Variants in KAZN observed in about 807,000 individuals in gnomAD.
The protein encoded by KAZN is kazrin.
In KAZN, 40 loss-of-function variants were observed where a neutral mutation model predicts 87.4. That is an observed-to-expected ratio of 0.46 (90% CI 0.36 to 0.60). The LOEUF (loss-of-function observed/expected upper bound fraction) is 0.60, where lower values mean the gene tolerates loss of function less well. Among genes scored for constraint, KAZN ranks in the 20% least tolerant of loss-of-function variants. The pLI is 0.00. For synonymous variants in KAZN, 466 were observed against 458.3 expected, an observed-to-expected ratio of 1.02 and a Z score of -0.22; for missense variants, 898 against 1,073.9, an observed-to-expected ratio of 0.84 and a Z score of 2.29.
At chr1:14,433,362 C>T (rs973712607) in intron 2 of KAZN, among the ~76,000 whole-genome samples, 13 of 152,210 alleles carry the variant, frequency 8.5e-5, no homozygotes, top group African/African-American at 2.2e-4. Flanking sequence ...TCTTCGGTGC[C>T]CAGTTTCTTT....
chr1:13,933,415 C>G (rs1265294861), intron 1 of KAZN, among the ~76,000 whole-genome samples: 1 of 152,094 alleles, frequency 6.6e-6, no homozygotes, highest in Middle Eastern at 3.2e-3. Flanking sequence ...TTGCTTGAAC[C>G]CGGGAGACGG....
chr1:14,019,157 G>A (rs965849603), intron 1 of KAZN, among the ~76,000 whole-genome samples: 6 of 152,168 alleles, frequency 3.9e-5, no homozygotes, highest in East Asian at 1.9e-4. Flanking sequence ...GATTAGAAAC[G>A]ACTTGTTTTG....
chr1:14,375,893 C>CA (rs60145610), intron 2 of KAZN, among the ~76,000 whole-genome samples: 82 of 19,080 alleles, frequency 4.3e-3, no homozygotes, highest in African/African-American at 8.9e-3. Flanking sequence ...ATCTCAAAAA[C>CA]AAAAAAAAAA....
intron 2 of KAZN, among the ~76,000 whole-genome samples, chr1:14,977,284 G>C (rs1004082296): frequency 1.3e-5 from 2 of 152,226 alleles, no homozygotes; most frequent in Non-Finnish European, 2.9e-5. Flanking sequence ...TGGGAAAAGA[G>C]GGACGTAGTA....
intron 2 of KAZN, among the ~76,000 whole-genome samples, chr1:14,411,407 G>A (rs1023678722): frequency 6.6e-6 from 1 of 152,170 alleles, no homozygotes; most frequent in Non-Finnish European, 1.5e-5. Context: ...CAGTTCCCCT[G>A]CCTCAACCTC....
chr1:14,361,694 G>C (rs888608889), intron 2 of KAZN, among the ~76,000 whole-genome samples: 1 of 152,368 alleles, frequency 6.6e-6, no homozygotes, highest in African/African-American at 2.4e-5. Context: ...CTTGGCTTCT[G>C]TTCATCCTCT....
At chr1:13,976,397 G>T (rs1638360015) in intron 1 of KAZN, among the ~76,000 whole-genome samples, 1 of 151,994 alleles carries the variant, frequency 6.6e-6, no homozygotes, top group Admixed American at 6.6e-5. Flanking sequence ...TCCTTGTCAA[G>T]AAAAATTACT....
intron 2 of KAZN, among the ~76,000 whole-genome samples, chr1:14,257,682 T>C (rs550336976): frequency 6.7e-6 from 1 of 149,720 alleles, no homozygotes; most frequent in African/African-American, 2.5e-5. Flanking sequence ...TTCAGCTTTC[T>C]ACATATGGCT....
intron 1 of KAZN, among the ~76,000 whole-genome samples, chr1:14,151,502 T>C (rs1357918548): frequency 6.6e-6 from 1 of 152,186 alleles, no homozygotes; most frequent in Non-Finnish European, 1.5e-5. Context: ...TGTAATTAAG[T>C]TAAGGAATTG....
At chr1:14,480,680 TATA>T (rs1669029677) in intron 2 of KAZN, among the ~76,000 whole-genome samples, 1 of 145,518 alleles carries the variant, frequency 6.9e-6, no homozygotes, top group South Asian at 2.1e-4. Context: ...ATAAACTATA[TATA>T]ATATATAAAA....
chr1:13,987,367 T>C (rs1393255192), intron 1 of KAZN, among the ~76,000 whole-genome samples: 3 of 152,148 alleles, frequency 2.0e-5, no homozygotes, highest in African/African-American at 7.2e-5. Flanking sequence ...TTCCCCTCCC[T>C]GTGTCCATGT....
chr1:15,103,269 G>A (rs947058989), intron 11 of KAZN, 90 bp from the exon 12 acceptor site: 81 of 903,116 alleles, frequency 9.0e-5, no homozygotes, highest in Non-Finnish European at 1.4e-4. Flanking sequence ...TCTGTCTCGG[G>A]GGGAAAAAGA....
At chr1:14,168,865 T>G (rs1318228912) in intron 1 of KAZN, among the ~76,000 whole-genome samples, 1 of 152,156 alleles carries the variant, frequency 6.6e-6, no homozygotes, top group Non-Finnish European at 1.5e-5. Context: ...AATGCAATGA[T>G]GCATGCAAGC....
rs377566671 is a variant in KAZN at position 14,164,005 on chromosome 1, C to T, written c.92-16430C>T. Among the ~76,000 whole-genome samples, 194 of 152,312 alleles carry T rather than the reference C, an allele frequency of 1.3e-3. 1 individual carries two copies. The highest frequency in any genetic ancestry group is 6.8e-3 in the Middle Eastern group (2 of 294). On this transcript the variant is annotated intron_variant, in intron 1 of 16. Transcript: ENST00000636203. ...GGATTTTGCTGATACTCTTCTCTGA[C>T]GTCCTCCAGCTTCTGCCCACTGCTC...
At chr1:14,562,143 T>C (rs188651371) in intron 2 of KAZN, among the ~76,000 whole-genome samples, 36 of 152,310 alleles carry the variant, frequency 2.4e-4, no homozygotes, top group Middle Eastern at 3.4e-3. Flanking sequence ...ACTGCCATTC[T>C]GTTTGGCAAA....
chr1:13,972,965 A>G (rs990587735), intron 1 of KAZN, among the ~76,000 whole-genome samples: 9 of 152,196 alleles, frequency 5.9e-5, no homozygotes, highest in Admixed American at 5.2e-4. Flanking sequence ...TTTATTGTCT[A>G]TCACATGCCA....
At chr1:14,857,203 G>C (rs939958561) in intron 1 of KAZN, among the ~76,000 whole-genome samples, 1 of 152,124 alleles carries the variant, frequency 6.6e-6, no homozygotes, top group African/African-American at 2.4e-5. Flanking sequence ...AGGGTATGAG[G>C]AGGCTACAAC....
At chr1:14,481,342 G>A (rs1179234458) in intron 2 of KAZN, among the ~76,000 whole-genome samples, 1 of 152,074 alleles carries the variant, frequency 6.6e-6, no homozygotes, top group Non-Finnish European at 1.5e-5. Context: ...TAAGCCCTCA[G>A]TAAGGTTAGC....
intron 1 of KAZN, among the ~76,000 whole-genome samples, chr1:13,928,914 G>T (rs951511095): frequency 1.4e-4 from 21 of 150,766 alleles, no homozygotes; most frequent in African/African-American, 5.1e-4. Context: ...TCTAATCTTT[G>T]TTGTGTGCTC....
Sources: gnomAD v4.1 joint callset for allele counts (sites outside exome capture counted in the v4.1 genomes callset) on GRCh38, gnomAD v4.1.1 for gene constraint, MANE v1.5 for transcripts, NCBI Gene and HGNC (gene_info 2026-07-23, HGNC 2026-07-21) for gene names.